Variants in JHY observed in about 807,000 individuals in gnomAD.
JHY encodes jhy protein homolog.
JHY carries 69 observed loss-of-function variants against 78.0 expected under a neutral mutation model. That is an observed-to-expected ratio of 0.88 (90% confidence interval 0.73 to 1.08). JHY has a LOEUF of 1.08. Ranked by LOEUF, JHY falls within the 50% of genes least tolerant of loss-of-function variation. JHY has a pLI of 0.00. For synonymous variants in JHY, 368 were observed against 342.6 expected, an observed-to-expected ratio of 1.07 and a Z score of -0.82; for missense variants, 944 against 927.8, an observed-to-expected ratio of 1.02 and a Z score of -0.23.
chr11:122,960,737 A>G lies in JHY; in HGVS notation c.*1292A>G. 2.2e-6 allele frequency: 1 copy of G among 453,698 alleles called. No homozygotes were observed. The highest frequency in any genetic ancestry group is 4.4e-6 in the Non-Finnish European group (1 of 228,414). 28.1% of individuals were successfully genotyped at this position (453,698 alleles called of 1,614,324 possible). A position where few individuals can be genotyped will look rare whatever the true frequency, so the allele number is the denominator to read the frequency against. ...TCAATGAGCAAAACATTGCCCAACTAGAAGAGGTGAAGCAGGCTTCCATCA... is the reference window on the plus strand; with the variant it reads ...TCAATGAGCAAAACATTGCCCAACTGGAAGAGGTGAAGCAGGCTTCCATCA... On this transcript the variant is annotated 3_prime_UTR_variant, in exon 9 of 9. Coordinates refer to ENST00000227349, the MANE Select transcript of JHY (RefSeq NM_024806.4).
At chr11:122,907,631 A>G (rs1171685602) in intron 3 of JHY, among the ~76,000 whole-genome samples, 1 of 151,998 alleles carries the variant, frequency 6.6e-6, no homozygotes, top group African/African-American at 2.4e-5. Flanking sequence ...GATCCCCTGA[A>G]GTTGGGAGTT....
At chr11:122,905,054 C>G in intron 3 of JHY, 1 of 811,808 alleles carries the variant, frequency 1.2e-6, no homozygotes, top group African/African-American at 1.7e-5. Context: ...TTTCTATAAA[C>G]CCCATTGAAA....
chr11:122,951,196 C>T (rs1284406544), intron 6 of JHY, among the ~76,000 whole-genome samples: 3 of 152,222 alleles, frequency 2.0e-5, no homozygotes, highest in African/African-American at 7.2e-5. Context: ...AAGCACCCTT[C>T]CTCTTCTCCT....
At chr11:122,921,049 T>C (rs1863354026) in intron 3 of JHY, among the ~76,000 whole-genome samples, 1 of 148,586 alleles carries the variant, frequency 6.7e-6, no homozygotes, top group African/African-American at 2.5e-5. Flanking sequence ...AAAAAAAAAA[T>C]AGCTGGCAGA....
chr11:122,916,820 G>C (rs1182397289), intron 3 of JHY, among the ~76,000 whole-genome samples: 2 of 151,922 alleles, frequency 1.3e-5, no homozygotes, highest in Non-Finnish European at 2.9e-5. Flanking sequence ...TGTATTTTTA[G>C]TAGAGATAGG....
intron 3 of JHY, among the ~76,000 whole-genome samples, chr11:122,907,250 G>GTT (rs200056855): frequency 1.4e-5 from 2 of 147,056 alleles, no homozygotes; most frequent in Non-Finnish European, 3.0e-5. Context: ...AAACTGATGT[G>GTT]TTTTTTTTTT....
intron 2 of JHY, among the ~76,000 whole-genome samples, chr11:122,894,881 A>G (rs1862706918): frequency 6.6e-6 from 1 of 152,248 alleles, no homozygotes; most frequent in Non-Finnish European, 1.5e-5. Flanking sequence ...TCATTTCATT[A>G]AAGCATCCTT....
intron 8 of JHY, 103 bp downstream of exon 8, chr11:122,957,594 C>A: frequency 6.1e-5 from 67 of 1,102,832 alleles, no homozygotes; most frequent in Non-Finnish European, 6.7e-5. Flanking sequence ...AGAGTCTTGC[C>A]GTCTTGCCCA....
In JHY at chr11:122,934,999, C is replaced by A. The variant is rs748071921; in HGVS notation, c.1558C>A (p.His520Asn). 1.9e-6 allele frequency: 3 copies of A among 1,611,564 alleles called. No individual in the cohort carries two copies. The highest frequency in any genetic ancestry group is 1.7e-6 in the Non-Finnish European group (2 of 1,179,360). Reference protein sequence around the residue: ...GSQFVYHINTHGSTKNKKQLK... With the variant: ...GSQFVYHINTNGSTKNKKQLK... Reference sequence around the variant, plus strand: ...TCAGTTTGTTTATCACATAAATACTCATGGATCAACCAAAAATAAGAAACA... The same window carrying A: ...TCAGTTTGTTTATCACATAAATACTAATGGATCAACCAAAAATAAGAAACA... Residue 520 changes from histidine to asparagine, a missense_variant, in exon 5 of 9, where the codon CAT (histidine) becomes AAT (asparagine). Physicochemically the swap from His to Asn is moderately conservative, Grantham distance 68. Coordinates refer to ENST00000227349, the MANE Select transcript of JHY (RefSeq NM_024806.4).
chr11:122,886,486 A>C (rs147099544), intron 2 of JHY, among the ~76,000 whole-genome samples: 232 of 152,354 alleles, frequency 1.5e-3, no homozygotes, highest in African/African-American at 5.2e-3. Context: ...GAGAAATTCC[A>C]GAAAGCCGGG....
chr11:122,932,726 A>G (rs975626796), intron 4 of JHY, among the ~76,000 whole-genome samples: 5 of 152,234 alleles, frequency 3.3e-5, no homozygotes, highest in Non-Finnish European at 7.3e-5. Context: ...ATAATATTGT[A>G]ATATAGCAAT....
In JHY at chr11:122,930,739, C is replaced by T. The variant is rs536109457; in HGVS notation, c.979-3681C>T. Among the ~76,000 whole-genome samples, 10 of 152,264 alleles carry T rather than the reference C, an allele frequency of 6.6e-5. No individual in the cohort carries two copies. In the South Asian group the frequency reaches 1.7e-3, roughly 25 times the overall value. On this transcript the variant is annotated intron_variant, in intron 4 of 8. Transcript: ENST00000227349. Reference sequence around the variant, plus strand: ...TTCCAAATCCTGCTTAGGTTGTGTGCCCAGACTGAATGCAGTATGTTTAAG... The same window carrying T: ...TTCCAAATCCTGCTTAGGTTGTGTGTCCAGACTGAATGCAGTATGTTTAAG...
At chr11:122,902,186 G>A (rs1025471336) in intron 2 of JHY, among the ~76,000 whole-genome samples, 1 of 152,088 alleles carries the variant, frequency 6.6e-6, no homozygotes, top group Non-Finnish European at 1.5e-5. Context: ...GCTGGGGACG[G>A]TGGCTTGCAC....
intron 2 of JHY, among the ~76,000 whole-genome samples, chr11:122,892,384 G>A (rs1862639087): frequency 6.6e-6 from 1 of 151,608 alleles, no homozygotes. Flanking sequence ...GTGCAGTGAG[G>A]CGATCTTGGC....
chr11:122,955,487 G>C (rs530446907), intron 6 of JHY, among the ~76,000 whole-genome samples: 139 of 152,266 alleles, frequency 9.1e-4, no homozygotes, highest in African/African-American at 3.2e-3. Flanking sequence ...GAGACAGATA[G>C]GCAGTAGAAT....
chr11:122,888,303 T>C (rs914129742), intron 2 of JHY, among the ~76,000 whole-genome samples: 4 of 152,204 alleles, frequency 2.6e-5, no homozygotes, highest in African/African-American at 9.7e-5. Context: ...CTAGTGCATT[T>C]TGAATTAGAG....
At chr11:122,924,460 C>A (rs554275885) in intron 3 of JHY, among the ~76,000 whole-genome samples, 13 of 152,230 alleles carry the variant, frequency 8.5e-5, no homozygotes, top group South Asian at 2.1e-4. Context: ...GAACTAAGGG[C>A]CTAGGACAGA....
At chr11:122,903,834 T>G in intron 2 of JHY, 91 bp from the exon 3 acceptor site, 27 of 1,451,624 alleles carry the variant, frequency 1.9e-5, no homozygotes, top group Middle Eastern at 1.8e-4. Context: ...GGAGAAAGAC[T>G]GAGATTGATT....
At chr11:122,949,335 G>A (rs1864036438) in intron 6 of JHY, among the ~76,000 whole-genome samples, 1 of 152,094 alleles carries the variant, frequency 6.6e-6, no homozygotes, top group Admixed American at 6.6e-5. Flanking sequence ...ATTTTAAACT[G>A]GTTGGATTTG....
Sources: allele counts gnomAD v4.1 joint callset (sites outside exome capture counted in the v4.1 genomes callset), GRCh38; gene constraint gnomAD v4.1.1; transcripts MANE v1.5; gene names NCBI Gene and HGNC (gene_info 2026-07-23, HGNC 2026-07-21).